COL11A2: variants seen among roughly 807,000 people sequenced by gnomAD.
The protein encoded by COL11A2 is collagen alpha-2(XI) chain.
In COL11A2, 116 loss-of-function variants were observed where a neutral mutation model predicts 273.4. The ratio of observed to expected loss-of-function variants is 0.42; its 90% CI spans 0.36 to 0.49. COL11A2 has a LOEUF of 0.49. COL11A2 is among the 20% of genes least tolerant of loss of function. The probability of loss-of-function intolerance (pLI) is 0.00; values close to 1 mark genes in which losing one functional copy is unlikely to be tolerated. For missense variants in COL11A2, 1,866 were observed against 2,309.0 expected (o/e 0.81, Z 3.93); for synonymous variants, 782 against 864.2 (o/e 0.90, Z 1.67).
chr6:33,191,133 A>G (rs1773057854), intron 1 of COL11A2, among the ~76,000 whole-genome samples: 1 of 152,174 alleles, frequency 6.6e-6, no homozygotes, highest in African/African-American at 2.4e-5. Context: ...TCCATGCCAG[A>G]GGATCCCTCT....
At position 33,164,128 on chromosome 6, in the gene COL11A2, T is replaced by A. The variant is rs1768729404; in HGVS notation, c.5070+139A>T. The A allele has an allele frequency of 3.7e-6, 4 of 1,072,550 alleles. No homozygotes were observed. Among genetic ancestry groups the A allele is most frequent in the Admixed American group, 2.5e-5 (1 of 40,616 alleles). 66.4% of individuals were successfully genotyped at this position (1,072,550 alleles called of 1,614,324 possible). A position where few individuals can be genotyped will look rare whatever the true frequency, so the allele number is the denominator to read the frequency against. ...CCACCTTCCTCACCGGCTTTTGAGC[T>A]CCCTCAGGCATCCCTGACAATCCAG... is the stretch of plus-strand genomic sequence containing the variant. On this transcript the variant is annotated intron_variant, in intron 65 of 65. Coordinates refer to ENST00000341947, the MANE Select transcript of COL11A2 (RefSeq NM_080680.3). This position sits in a 1 kb window ranked among gnomAD's most constrained non-coding sequence, Gnocchi z 4.7.
Position 33,167,612 on chromosome 6 carries a change from G to T in COL11A2, c.4015-79C>A. The T allele has an allele frequency of 6.6e-7, 1 of 1,513,540 alleles. No homozygotes were observed. Among genetic ancestry groups the T allele is most frequent in the Non-Finnish European group, 9.1e-7 (1 of 1,097,868 alleles). The allele number at this position is 1,513,540 out of a possible 1,614,324, so 93.8% of individuals were successfully genotyped here. A position where few individuals can be genotyped will look rare whatever the true frequency, so the allele number is the denominator to read the frequency against. On this transcript the variant is annotated intron_variant, in intron 55 of 65. Transcript: ENST00000341947. The surrounding 1 kb of genome is among the most constrained non-coding windows in gnomAD (Gnocchi z 6.1). ...AGGGGGCAGAGGGTCCAAGGTGGGA[G>T]GCAGGAGGCAGGGAGGAAGGGCCAA...
intron 1 of COL11A2, 136 bp downstream of exon 1, chr6:33,192,017 GCCCTCC>G (rs1773176610): frequency 1.3e-6 from 1 of 778,704 alleles, no homozygotes; most frequent in Non-Finnish European, 2.2e-6. Flanking sequence ...CAGGTGTCCT[GCCCTCC>G]AGCCTGTAGC....
chr6:33,170,636 C>T lies in COL11A2; in HGVS notation c.3475-26G>A. On this transcript the variant is annotated intron_variant, in intron 46 of 65. Transcript: ENST00000341947. The surrounding 1 kb of genome is among the most constrained non-coding windows in gnomAD (Gnocchi z 4.3). ...CTGTGCAAGTATACAAAACATGGGC[C>T]CAGGTGACGACCCCACCCAAAGCAC... 6.2e-7 allele frequency: 1 copy of T among 1,612,532 alleles called. No homozygotes were observed. Among genetic ancestry groups the T allele is most frequent in the Non-Finnish European group, 8.5e-7 (1 of 1,179,738 alleles).
rs377230752 is a variant in COL11A2 at position 33,170,820 on chromosome 6, A to G, written c.3464T>C (p.Ile1155Thr). 5.6e-6 allele frequency: 9 copies of G among 1,612,126 alleles called. No individual in the cohort carries two copies. Among genetic ancestry groups the G allele is most frequent in the East Asian group, 2.2e-5 (1 of 44,776 alleles). ...TRGFNGPPGP[I>T]GLQGLPGPSG... is the part of the protein sequence containing the mutation. The stretch of plus-strand genomic sequence containing the variant: ...TATCCCCCAACACACCTGTAGGCCA[A>G]TGGGTCCTGGGGGCCCATTGAATCC... Residue 1155 changes from isoleucine (I) to threonine (T), a missense_variant, in exon 46 of 66, where the codon ATT (isoleucine) becomes ACT (threonine). By Grantham distance (89) the Ile-to-Thr change is moderately conservative. Transcript: ENST00000341947. The surrounding 1 kb of genome is among the most constrained non-coding windows in gnomAD (Gnocchi z 4.3).
At chr6:33,191,810 C>A (rs1171441564) in intron 1 of COL11A2, among the ~76,000 whole-genome samples, 1 of 152,238 alleles carries the variant, frequency 6.6e-6, no homozygotes, top group Non-Finnish European at 1.5e-5. Context: ...CACCCATCAA[C>A]ATTGGCGTCT....
intron 54 of COL11A2, among the ~76,000 whole-genome samples, chr6:33,168,121 A>G (rs1451686064): frequency 2.0e-5 from 3 of 151,992 alleles, no homozygotes; most frequent in Non-Finnish European, 4.4e-5. Flanking sequence ...AAAAAGGTTC[A>G]CCCCTGGCCC....
At position 33,180,961 on chromosome 6, in the gene COL11A2, T is replaced by C; in HGVS notation, c.1221+3A>G. 1 of 1,613,878 alleles carries C rather than the reference T, an allele frequency of 6.2e-7. No individual in the cohort carries two copies. Among genetic ancestry groups the C allele is most frequent in the South Asian group, 1.1e-5 (1 of 91,082 alleles). ...ATGGCCACCAGGTCACTGCTAGACT[T>C]ACCGCAGGGCCTTCTGGGCCAGGGG... On this transcript the variant is annotated splice_donor_region_variant and intron_variant, in intron 10 of 65. Transcript: ENST00000341947.
chr6:33,172,977 G>T, intron 38 of COL11A2, 83 bp downstream of exon 38: 2 of 1,444,036 alleles, frequency 1.4e-6, no homozygotes, highest in African/African-American at 1.4e-5. Flanking sequence ...GTGGACCGGG[G>T]CAGGGGCGTG....
chr6:33,167,945 G>GCA lies in COL11A2; in HGVS notation c.3961-95_3961-94dup, dbSNP rs1201622602. ...CTGTCCTAGACACACACATACACATGCACACACACACGTGCATACACAGGG... is the reference window on the plus strand; with the variant it reads ...CTGTCCTAGACACACACATACACATGCACACACACACACGTGCATACACAGGG... On this transcript the variant is annotated intron_variant, in intron 54 of 65. Coordinates refer to ENST00000341947, the MANE Select transcript of COL11A2 (RefSeq NM_080680.3). The surrounding 1 kb of genome is among the most constrained non-coding windows in gnomAD (Gnocchi z 6.1). 1,739 of 1,332,692 alleles carry GCA rather than the reference G, an allele frequency of 1.3e-3. 19 individuals carry two copies. In the African/African-American group the frequency reaches 0.021, roughly 16 times the overall value. 82.6% of individuals were successfully genotyped at this position (1,332,692 alleles called of 1,614,324 possible). A position where few individuals can be genotyped will look rare whatever the true frequency, so the allele number is the denominator to read the frequency against.
At chr6:33,174,488 G>A (rs146344636) in intron 31 of COL11A2, 39 bp downstream of exon 31, 9 of 1,608,486 alleles carry the variant, frequency 5.6e-6, no homozygotes, top group Non-Finnish European at 8.5e-7. Flanking sequence ...AAGAGGAGGA[G>A]GGAAGAGGAG....
intron 3 of COL11A2, 147 bp from the exon 4 acceptor site, chr6:33,188,671 C>T: frequency 2.2e-6 from 2 of 894,070 alleles, no homozygotes; most frequent in South Asian, 1.4e-5. Context: ...GTTTACAGTG[C>T]ACCAGACACC....
In COL11A2 at chr6:33,169,048, C is replaced by G. The variant is rs537183750; in HGVS notation, c.3799-40G>C. On this transcript the variant is annotated intron_variant, in intron 51 of 65. Coordinates refer to ENST00000341947, the MANE Select transcript of COL11A2 (RefSeq NM_080680.3). The surrounding 1 kb of genome is among the most constrained non-coding windows in gnomAD (Gnocchi z 5.5). ...GAATAAGAGTCAGGGTCACAGCTCC[C>G]TAAGCCCACCCAGCACAGACGCCCA... 2 of 1,579,436 alleles carry G rather than the reference C, an allele frequency of 1.3e-6. No individual in the cohort carries two copies. Among genetic ancestry groups the G allele is most frequent in the Non-Finnish European group, 1.7e-6 (2 of 1,161,538 alleles).
At position 33,169,710 on chromosome 6, in the gene COL11A2, G is replaced by A; in HGVS notation, c.3690+121C>T. 1.5e-6 allele frequency: 2 copies of A among 1,292,438 alleles called. No homozygotes were observed. The highest frequency in any genetic ancestry group is 3.7e-4 in the Middle Eastern group (2 of 5,440). The allele number at this position is 1,292,438 out of a possible 1,614,324, so 80.1% of individuals were successfully genotyped here. On this transcript the variant is annotated intron_variant, in intron 50 of 65. Coordinates refer to ENST00000341947, the MANE Select transcript of COL11A2 (RefSeq NM_080680.3). This position sits in a 1 kb window ranked among gnomAD's most constrained non-coding sequence, Gnocchi z 5.5. Reference sequence around the variant, plus strand: ...CAGGGATCAGGCCTCATAGAGGATGGCAGGGAGCAGAGACTCTTGCTGCAG... The same window carrying A: ...CAGGGATCAGGCCTCATAGAGGATGACAGGGAGCAGAGACTCTTGCTGCAG...
chr6:33,168,968 T>C lies in COL11A2; in HGVS notation c.3839A>G (p.Glu1280Gly), dbSNP rs771220391. ...AGTAAGACTCACCCGAGGGCCACCT[T>C]CTCCAGGGGGGCCAGGGTCACCAGG... The part of the protein sequence containing the change: ...GFPGDPGPPG[E>G]GGPRGQDGAK... The change falls in exon 52 of 66, where the codon GAA becomes GGA. Residue 1280 changes from glutamate to glycine, a missense_variant. Transcript: ENST00000341947. The C allele has an allele frequency of 6.2e-7, 1 of 1,607,012 alleles. No individual in the cohort carries two copies. The highest frequency in any genetic ancestry group is 1.7e-5 in the Admixed American group (1 of 59,404).
In COL11A2 at chr6:33,189,340, G is replaced by A. The variant is rs1173448471; in HGVS notation, c.212C>T (p.Pro71Leu). 2 of 1,613,570 alleles carry A rather than the reference G, an allele frequency of 1.2e-6. No homozygotes were observed. Among genetic ancestry groups the A allele is most frequent in the Admixed American group, 1.7e-5 (1 of 60,030 alleles). The change falls in exon 2 of 66, where the codon CCC (proline) becomes CTC (leucine). Residue 71 changes from proline (P) to leucine (L), a missense_variant. By Grantham distance (98) the Pro-to-Leu change is moderately conservative. Coordinates refer to ENST00000341947, the MANE Select transcript of COL11A2 (RefSeq NM_080680.3). This position sits in a 1 kb window ranked among gnomAD's most constrained non-coding sequence, Gnocchi z 5.6. The part of the protein sequence containing the change: ...RVARPAQLSA[P>L]TRQLFPGGFP... The stretch of plus-strand genomic sequence containing the variant: ...CATACCTGGGAAAAGCTGGCGAGTG[G>A]GTGCACTGAGCTGGGCAGGTCGTGC...
In COL11A2 at chr6:33,173,136, T is replaced by C. The variant is rs369109552; in HGVS notation, c.2737-23A>G. 10 of 1,607,348 alleles carry C rather than the reference T, an allele frequency of 6.2e-6. No homozygotes were observed. The highest frequency in any genetic ancestry group is 7.6e-6 in the Non-Finnish European group (9 of 1,177,342). ...ACCCTAGGCGAGGAAGAGAGGAGAA[T>C]GCAGTGAAAGCAGGTGTGGGCGCTG... On this transcript the variant is annotated intron_variant, in intron 37 of 65. Coordinates refer to ENST00000341947, the MANE Select transcript of COL11A2 (RefSeq NM_080680.3). The surrounding 1 kb of genome is among the most constrained non-coding windows in gnomAD (Gnocchi z 6.3).
In COL11A2 at chr6:33,165,475, C is replaced by A; in HGVS notation, c.4750+74G>T. On this transcript the variant is annotated intron_variant, in intron 63 of 65. Transcript: ENST00000341947. The surrounding 1 kb of genome is among the most constrained non-coding windows in gnomAD (Gnocchi z 7.7). ...AACCCAACACCTTCACCAAGACTCC[C>A]CCAGCATCCATTCTGCTTGTTCAGT... 1 of 1,596,582 alleles carries A rather than the reference C, an allele frequency of 6.3e-7. No individual in the cohort carries two copies. Among genetic ancestry groups the A allele is most frequent in the South Asian group, 1.1e-5 (1 of 90,932 alleles).
chr6:33,168,570 T>C lies in COL11A2; in HGVS notation c.3909A>G (p.Gly1303=). 1 of 1,613,314 alleles carries C rather than the reference T, an allele frequency of 6.2e-7. No homozygotes were observed. The highest frequency in any genetic ancestry group is 8.5e-7 in the Non-Finnish European group (1 of 1,179,754). ...RGEDGEPGQP[G]SPGPTGENGP... Reference sequence around the variant, plus strand: ...CATTCTCCCCGGTGGGACCAGGGGATCCCTAGGGAGAGAGGAATTGGGGTG... The same window carrying C: ...CATTCTCCCCGGTGGGACCAGGGGACCCCTAGGGAGAGAGGAATTGGGGTG... Residue 1303 remains glycine (G), a splice_region_variant and synonymous_variant, in exon 54 of 66, where the codon GGA becomes GGG. Transcript: ENST00000341947.
Sources: gnomAD v4.1 joint callset for allele counts (sites outside exome capture counted in the v4.1 genomes callset) on GRCh38, gnomAD v4.1.1 for gene constraint, Gnocchi (gnomAD v3.1) non-coding constraint, MANE v1.5 for transcripts, NCBI Gene and HGNC (gene_info 2026-07-23, HGNC 2026-07-21) for gene names.